The following RNASEH2B variants were observed in gnomAD, a reference collection of about 807,000 sequenced individuals.
RNASEH2B encodes the protein ribonuclease H2 subunit B.
Under a neutral mutation model 45.0 loss-of-function variants are expected in RNASEH2B, and 36 were observed. That is an observed-to-expected ratio of 0.80 (90% CI 0.61 to 1.06). The LOEUF is 1.06. Among genes scored for constraint, RNASEH2B ranks in the 50% least tolerant of loss-of-function variants. The pLI is 0.00. For synonymous variants in RNASEH2B, 119 were observed against 125.7 expected (o/e 0.95, Z 0.35); for missense variants, 361 against 360.3 (o/e 1.00, Z -0.02).
chr13:50,968,579 C>T (rs1459713337), intron 9 of RNASEH2B, among the ~76,000 whole-genome samples: 1 of 152,106 alleles, frequency 6.6e-6, no homozygotes, highest in Admixed American at 6.5e-5. Context: ...CTATTCATAC[C>T]ATTATATGAC....
chr13:50,966,184 A>G (rs1291795698), intron 9 of RNASEH2B, among the ~76,000 whole-genome samples: 1 of 152,228 alleles, frequency 6.6e-6, no homozygotes, highest in Non-Finnish European at 1.5e-5. Flanking sequence ...TCATATACAC[A>G]CATAACACAC....
intron 7 of RNASEH2B, among the ~76,000 whole-genome samples, chr13:50,947,116 C>T (rs1001139258): frequency 6.6e-6 from 1 of 152,140 alleles, no homozygotes; most frequent in African/African-American, 2.4e-5. Flanking sequence ...GTGAATATCC[C>T]AGCAGCAAAC....
chr13:50,935,958 A>G (rs1326239711), intron 5 of RNASEH2B: 1 of 152,106 alleles, frequency 6.6e-6, no homozygotes, highest in African/African-American at 2.4e-5. Context: ...AGGAGATAGA[A>G]CAAGAAGAAA....
At chr13:50,924,710 C>T (rs1184168573) in intron 1 of RNASEH2B, among the ~76,000 whole-genome samples, 1 of 152,040 alleles carries the variant, frequency 6.6e-6, no homozygotes, top group Admixed American at 6.6e-5. Context: ...GGGCACATGC[C>T]ACCACATGTG....
At chr13:50,945,810 G>T (rs1262054538) in intron 7 of RNASEH2B, among the ~76,000 whole-genome samples, 1 of 152,178 alleles carries the variant, frequency 6.6e-6, no homozygotes, top group Non-Finnish European at 1.5e-5. Context: ...TATTGAGGGT[G>T]TATTGTGTGC....
chr13:50,947,386 A>AGTGTGTGT (rs34501133), intron 7 of RNASEH2B, among the ~76,000 whole-genome samples: 10,012 of 145,868 alleles, frequency 0.069, 420 homozygotes, highest in Admixed American at 0.14. Flanking sequence ...TTAGTTTGGG[A>AGTGTGTGT]GTGTGTGTGT....
intron 10 of RNASEH2B, 136 bp from the exon 11 acceptor site, chr13:50,956,222 T>C (rs1952045686): frequency 7.2e-6 from 5 of 693,732 alleles, no homozygotes; most frequent in East Asian, 2.9e-5. Flanking sequence ...ACTTTTTCAC[T>C]CCCTTATGAA....
chr13:50,929,564 A>G lies in RNASEH2B; in HGVS notation c.226A>G (p.Asn76Asp), dbSNP rs1951650780. ...FKEKHHSWFI[N>D]QSVQSGGLLH... ...GGAAAAACACCATTCTTGGTTTATAAATCAATCAGTTCAATCAGGTAGGTG... is the reference window on the plus strand; with the variant it reads ...GGAAAAACACCATTCTTGGTTTATAGATCAATCAGTTCAATCAGGTAGGTG... Residue 76 changes from asparagine to aspartate, a missense_variant, in exon 3 of 11, where the codon AAT (asparagine) becomes GAT (aspartate). Physicochemically the swap from Asn to Asp is conservative, Grantham distance 23. Transcript: ENST00000336617. The G allele has an allele frequency of 4.4e-6, 7 of 1,607,018 alleles. No homozygotes were observed. The South Asian group carries it at 7.7e-5, about 18-fold the overall frequency.
intron 9 of RNASEH2B, among the ~76,000 whole-genome samples, chr13:50,967,909 T>C (rs186205712): frequency 1.1e-3 from 164 of 152,202 alleles, no homozygotes; most frequent in African/African-American, 3.7e-3. Context: ...AGTGGGAGGG[T>C]GTTTTCCAAG....
chr13:50,935,328 T>G (rs1224522010), intron 5 of RNASEH2B: 2 of 353,396 alleles, frequency 5.7e-6, no homozygotes, highest in African/African-American at 4.1e-5. Context: ...ATTGTAAAAT[T>G]ACGTAAAACC....
At chr13:50,952,154 AGT>A (rs1951984268) in intron 9 of RNASEH2B, 1 of 152,200 alleles carries the variant, frequency 6.6e-6, no homozygotes, top group Non-Finnish European at 1.5e-5. Flanking sequence ...TGGGCAACAC[AGT>A]GAAACCCTGT....
intron 1 of RNASEH2B, among the ~76,000 whole-genome samples, chr13:50,923,425 G>T (rs1234447603): frequency 6.6e-6 from 1 of 152,036 alleles, no homozygotes; most frequent in African/African-American, 2.4e-5. Flanking sequence ...CTTGAAAGCA[G>T]TAAAAGAAAA....
chr13:50,960,471 A>G (rs1952100825), downstream of RNASEH2B, among the ~76,000 whole-genome samples: 1 of 152,162 alleles, frequency 6.6e-6, no homozygotes, highest in South Asian at 2.1e-4. Context: ...GCTGTTGCTA[A>G]TATGATAAAG....
At chr13:50,936,035 C>T (rs1020355606) in intron 5 of RNASEH2B, 2 of 152,074 alleles carry the variant, frequency 1.3e-5, no homozygotes, top group African/African-American at 4.8e-5. Context: ...AAGGAGGAGT[C>T]AAGAGTGACT....
chr13:50,913,451 A>G (rs980233178), intron 1 of RNASEH2B, among the ~76,000 whole-genome samples: 1 of 152,118 alleles, frequency 6.6e-6, no homozygotes, highest in Non-Finnish European at 1.5e-5. Context: ...TTCATCTCCA[A>G]GGAAATGTTA....
At position 50,934,985 on chromosome 13, in the gene RNASEH2B, T is replaced by C. The variant is rs1363075189; in HGVS notation, c.422T>C (p.Val141Ala). ...LPGLEKLLHHVTEEKGNPEID... is the reference protein window; with the variant it reads ...LPGLEKLLHHATEEKGNPEID... ...GGACTTGAGAAGTTACTTCATCATG[T>C]GACAGAGGAAAAAGGTATGGTATAA... The change falls in exon 5 of 11, where the codon GTG becomes GCG. Residue 141 changes from valine (V) to alanine (A), a missense_variant. Transcript: ENST00000336617. 2.5e-6 allele frequency: 4 copies of C among 1,610,788 alleles called. No homozygotes were observed. The highest frequency in any genetic ancestry group is 3.4e-6 in the Non-Finnish European group (4 of 1,177,158).
intron 9 of RNASEH2B, among the ~76,000 whole-genome samples, chr13:50,964,304 A>T (rs1351650681): frequency 1.3e-5 from 2 of 152,226 alleles, no homozygotes; most frequent in Non-Finnish European, 1.5e-5. Context: ...TTTTTGAGAT[A>T]CTTTGAAACT....
intron 9 of RNASEH2B, among the ~76,000 whole-genome samples, chr13:50,968,298 G>T (rs1040317498): frequency 1.3e-5 from 2 of 152,148 alleles, no homozygotes; most frequent in Non-Finnish European, 2.9e-5. Context: ...TACTTGGGAG[G>T]CTGAGGAGGG....
intron 5 of RNASEH2B, among the ~76,000 whole-genome samples, chr13:50,939,778 A>T (rs997896249): frequency 1.3e-5 from 2 of 152,220 alleles, no homozygotes; most frequent in Non-Finnish European, 2.9e-5. Flanking sequence ...TTCAAAATGG[A>T]TCACTATGTT....
Sources: allele counts gnomAD v4.1 joint callset (sites outside exome capture counted in the v4.1 genomes callset), GRCh38; gene constraint gnomAD v4.1.1; transcripts MANE v1.5; gene names NCBI Gene and HGNC (gene_info 2026-07-23, HGNC 2026-07-21).